The following PAK2 variants were observed in gnomAD, a reference collection of about 807,000 sequenced individuals.
PAK2 encodes p21 (RAC1) activated kinase 2.
In PAK2, 21 loss-of-function variants were observed where a neutral mutation model predicts 65.9. The observed-to-expected ratio is 0.32, with a 90% confidence interval of 0.23 to 0.46. The LOEUF (loss-of-function observed/expected upper bound fraction) is 0.46, where lower values mean the gene tolerates loss of function less well. Among genes scored for constraint, PAK2 ranks in the 20% least tolerant of loss-of-function variants. The pLI is 1.00. For synonymous variants in PAK2, 204 were observed against 219.7 expected, an observed-to-expected ratio of 0.93 and a Z score of 0.63; for missense variants, 324 against 642.6, an observed-to-expected ratio of 0.50 and a Z score of 5.36.
chr3:196,756,115 T>G (rs1428228990), intron 1 of PAK2, among the ~76,000 whole-genome samples: 3 of 152,190 alleles, frequency 2.0e-5, no homozygotes, highest in South Asian at 4.1e-4. Flanking sequence ...TTCCCTACCG[T>G]CAGGCAGTTT....
Position 196,820,709 on chromosome 3 carries a change from A to T in PAK2, c.1350+142A>T, listed in dbSNP as rs1711615362. The T allele has an allele frequency of 2.2e-6, 1 of 453,750 alleles. No homozygotes were observed. The highest frequency in any genetic ancestry group is 5.3e-5 in the South Asian group (1 of 18,856). 28.1% of individuals were successfully genotyped at this position (453,750 alleles called of 1,614,324 possible). On this transcript the variant is annotated intron_variant, in intron 13 of 14. Transcript: ENST00000327134. This position sits in a 1 kb window ranked among gnomAD's most constrained non-coding sequence, Gnocchi z 4.6. ...CTCTGCCCCTAACTCTGCATCTAGAAATCATTTGCTCTCTGAGTTACAAAT... is the reference window on the plus strand; with the variant it reads ...CTCTGCCCCTAACTCTGCATCTAGATATCATTTGCTCTCTGAGTTACAAAT...
At chr3:196,770,783 C>A (rs1560098131) in intron 1 of PAK2, among the ~76,000 whole-genome samples, 2 of 151,722 alleles carry the variant, frequency 1.3e-5, no homozygotes, top group African/African-American at 4.9e-5. Context: ...CCACCACGCC[C>A]GACTAATTTT....
chr3:196,785,795 G>A (rs574057666), intron 2 of PAK2, among the ~76,000 whole-genome samples: 214 of 152,274 alleles, frequency 1.4e-3, no homozygotes, highest in African/African-American at 4.8e-3. Flanking sequence ...CTACGTGGAT[G>A]ACAGCAGGCA....
intron 1 of PAK2, among the ~76,000 whole-genome samples, chr3:196,777,270 C>T (rs1714566437): frequency 6.6e-6 from 1 of 152,144 alleles, no homozygotes; most frequent in Non-Finnish European, 1.5e-5. Context: ...GTGGCATGAT[C>T]TTGGCTCACT....
chr3:196,774,123 G>A (rs1400309736), intron 1 of PAK2, among the ~76,000 whole-genome samples: 1 of 152,182 alleles, frequency 6.6e-6, no homozygotes, highest in East Asian at 1.9e-4. Context: ...ACCTGCCTTT[G>A]AATTGCTTGA....
intron 1 of PAK2, among the ~76,000 whole-genome samples, chr3:196,766,237 A>G (rs1181230624): frequency 6.6e-6 from 1 of 152,140 alleles, no homozygotes; most frequent in Non-Finnish European, 1.5e-5. Context: ...CTCAAAACTT[A>G]GTACCTTCTC....
chr3:196,811,230 C>T (rs1560113613), intron 8 of PAK2, among the ~76,000 whole-genome samples: 4 of 6,934 alleles, frequency 5.8e-4, no homozygotes, highest in Admixed American at 2.4e-3. Context: ...CCTCCCTTCC[C>T]TTCCCTTCCT....
chr3:196,772,785 A>G (rs541851824), intron 1 of PAK2, among the ~76,000 whole-genome samples: 18 of 152,262 alleles, frequency 1.2e-4, no homozygotes, highest in African/African-American at 4.1e-4. Flanking sequence ...GGGAAGGGCC[A>G]CTGGTGTTGG....
At chr3:196,798,998 T>C (rs977149464) in intron 2 of PAK2, among the ~76,000 whole-genome samples, 1 of 152,190 alleles carries the variant, frequency 6.6e-6, no homozygotes, top group African/African-American at 2.4e-5. Flanking sequence ...AAATTTCTCT[T>C]CATCCACTTT....
At chr3:196,751,663 T>TATATATATA (rs1713589849) in intron 1 of PAK2, among the ~76,000 whole-genome samples, 696 of 45,506 alleles carry the variant, frequency 0.015, 56 homozygotes, top group South Asian at 0.03. Context: ...ACACACAAAT[T>TATATATATA]TATTTATATA....
chr3:196,826,264 C>T (rs1037584275), intron 13 of PAK2, among the ~76,000 whole-genome samples: 4 of 151,930 alleles, frequency 2.6e-5, no homozygotes, highest in Non-Finnish European at 4.4e-5. Context: ...CTCTGCCTCC[C>T]GGGTTCACGT....
At chr3:196,779,445 T>C (rs1714637691) in intron 1 of PAK2, among the ~76,000 whole-genome samples, 1 of 152,196 alleles carries the variant, frequency 6.6e-6, no homozygotes, top group African/African-American at 2.4e-5. Context: ...CAAGGAGTCA[T>C]GAGACGTGGT....
chr3:196,785,004 T>A (rs2108742536), intron 2 of PAK2: 1 of 152,510 alleles, frequency 6.6e-6, no homozygotes, highest in East Asian at 1.9e-4. Context: ...CTTCACGAAT[T>A]TGCGTGTCAT....
At chr3:196,756,014 A>T (rs1040054604) in intron 1 of PAK2, among the ~76,000 whole-genome samples, 1 of 152,086 alleles carries the variant, frequency 6.6e-6, no homozygotes, top group Admixed American at 6.6e-5. Context: ...TTGGCCTCCC[A>T]AAGTGCAGGG....
rs2108782164 is a variant in PAK2, at chr3:196,831,973, A to G, written c.*3568A>G. 1.3e-5 allele frequency: 2 copies of G among 152,324 alleles called. No homozygotes were observed. Among genetic ancestry groups the G allele is most frequent in the Middle Eastern group, 6.8e-3 (2 of 294 alleles). 9.4% of individuals were successfully genotyped at this position (152,324 alleles called of 1,614,324 possible). A position where few individuals can be genotyped will look rare whatever the true frequency, so the allele number is the denominator to read the frequency against. On this transcript the variant is annotated 3_prime_UTR_variant, in exon 15 of 15. Coordinates refer to ENST00000327134, the MANE Select transcript of PAK2 (RefSeq NM_002577.4). ...AAATCAGTTTTTTGATAGTGTGTGT[A>G]TATAAGAAAAAATAGATACACACAT... is the stretch of plus-strand genomic sequence containing the variant.
At chr3:196,786,819 T>A (rs1714903509) in intron 2 of PAK2, among the ~76,000 whole-genome samples, 1 of 149,934 alleles carries the variant, frequency 6.7e-6, no homozygotes, top group Admixed American at 6.7e-5. Context: ...TTACTATATC[T>A]TACAATCTTT....
At chr3:196,787,135 T>A (rs1560104156) in intron 2 of PAK2, among the ~76,000 whole-genome samples, 1 of 152,156 alleles carries the variant, frequency 6.6e-6, no homozygotes, top group South Asian at 2.1e-4. Context: ...TTATATTGAT[T>A]GTTAATGCCT....
intron 2 of PAK2, among the ~76,000 whole-genome samples, chr3:196,798,727 G>A (rs763695205): frequency 1.6e-4 from 24 of 152,122 alleles, no homozygotes; most frequent in Non-Finnish European, 2.6e-4. Context: ...AGTGGATTTC[G>A]TTGGTTTAAG....
chr3:196,767,484 T>C (rs1435791425), intron 1 of PAK2, among the ~76,000 whole-genome samples: 2 of 141,582 alleles, frequency 1.4e-5, no homozygotes, highest in Non-Finnish European at 3.1e-5. Flanking sequence ...ATACATGTTT[T>C]TTGTTTGTTT....
Sources: allele counts gnomAD v4.1 joint callset (sites outside exome capture counted in the v4.1 genomes callset), GRCh38; gene constraint gnomAD v4.1.1; non-coding constraint Gnocchi (gnomAD v3.1); transcripts MANE v1.5; gene names NCBI Gene and HGNC (gene_info 2026-07-23, HGNC 2026-07-21).